Variants in BHMT2 observed in about 807,000 individuals in gnomAD.
BHMT2 encodes betaine--homocysteine S-methyltransferase 2.
Under a neutral mutation model 39.0 loss-of-function variants are expected in BHMT2, and 28 were observed. That is an observed-to-expected ratio of 0.72 (90% CI 0.53 to 0.98). The LOEUF (loss-of-function observed/expected upper bound fraction) is 0.98. Ranked by LOEUF, BHMT2 falls within the 50% of genes least tolerant of loss-of-function variation. The probability of loss-of-function intolerance (pLI) is 0.00; values close to 1 mark genes in which losing one functional copy is unlikely to be tolerated. For synonymous variants in BHMT2, 145 were observed against 160.6 expected (o/e 0.90, Z 0.74); for missense variants, 410 against 455.6 (o/e 0.90, Z 0.91).
intron 2 of BHMT2, 192 bp downstream of exon 2, chr5:79,077,804 A>G: frequency 3.6e-6 from 2 of 548,456 alleles, no homozygotes; most frequent in Non-Finnish European, 3.1e-6. Context: ...TCTCTCATAC[A>G]CACACCTACC....
Position 79,084,152 on chromosome 5 carries a change from A to G in BHMT2, c.1010+296A>G, listed in dbSNP as rs145299365. Among the ~76,000 whole-genome samples the G allele has an allele frequency of 2.0e-3, 307 of 152,292 alleles. 1 individual carries two copies. Among genetic ancestry groups the G allele is most frequent in the Admixed American group, 3.5e-3 (53 of 15,310 alleles). On this transcript the variant is annotated intron_variant, in intron 7 of 7. Transcript: ENST00000255192. ...AGATTCAATTTCTGGTGAAGGCCTT[A>G]GAGATGATAAAGGCCATCTATAAGG...
At chr5:79,070,818 A>G (rs1445281230) in intron 1 of BHMT2, among the ~76,000 whole-genome samples, 1 of 152,252 alleles carries the variant, frequency 6.6e-6, no homozygotes, top group Non-Finnish European at 1.5e-5. Flanking sequence ...AATATATCAC[A>G]AACTGATCCC....
intron 1 of BHMT2, among the ~76,000 whole-genome samples, chr5:79,075,861 G>T (rs1047783288): frequency 6.6e-6 from 1 of 152,198 alleles, no homozygotes; most frequent in Non-Finnish European, 1.5e-5. Context: ...AAACCCCTAG[G>T]GGGAGCATGC....
rs369119738 is a variant in BHMT2, at chr5:79,087,014, G to GTATATATATATATATA, written c.1011-1466_1011-1451dup. ...TGTGTATGTATGTGTGTGTGTGTGT[G>GTATATATATATATATA]TATATATATATATATATATATATAT... On this transcript the variant is annotated intron_variant, in intron 7 of 7. Transcript: ENST00000255192. Among the ~76,000 whole-genome samples, 501 of 118,188 alleles carry GTATATATATATATATA rather than the reference G, an allele frequency of 4.2e-3. 5 individuals carry two copies. The highest frequency in any genetic ancestry group is 0.011 in the African/African-American group (341 of 31,388). 77.5% of individuals were successfully genotyped at this position (118,188 alleles called of 152,430 possible).
At chr5:79,083,932 G>A (rs1755843961) in intron 7 of BHMT2, 76 bp downstream of exon 7, 2 of 1,491,940 alleles carry the variant, frequency 1.3e-6, no homozygotes, top group East Asian at 2.5e-5. Context: ...TGTCATGCAT[G>A]CACATGACAA....
chr5:79,077,547 A>G lies in BHMT2; in HGVS notation c.101A>G (p.Glu34Gly). Reference protein sequence around the residue: ...IGDGSFLITLEKRGYVKAGLW... With the variant: ...IGDGSFLITLGKRGYVKAGLW... The stretch of plus-strand genomic sequence containing the variant: ...GATGGCAGCTTTCTCATTACTCTGG[A>G]GAAGAGAGGCTATGTGAAGGCTGGG... Residue 34 changes from glutamate to glycine, a missense_variant, in exon 2 of 8, where the codon GAG becomes GGG. Coordinates refer to ENST00000255192, the MANE Select transcript of BHMT2 (RefSeq NM_017614.5). 6.2e-7 allele frequency: 1 copy of G among 1,613,692 alleles called. No individual in the cohort carries two copies. The highest frequency in any genetic ancestry group is 8.5e-7 in the Non-Finnish European group (1 of 1,179,944).
At position 79,083,496 on chromosome 5, in the gene BHMT2, CA is replaced by C. The variant is rs1755831780; in HGVS notation, c.781+127del. The C allele has an allele frequency of 8.9e-6, 13 of 1,464,020 alleles. No homozygotes were observed. In the South Asian group the frequency reaches 1.8e-4, roughly 21 times the overall value. 90.7% of individuals were successfully genotyped at this position (1,464,020 alleles called of 1,614,324 possible). On this transcript the variant is annotated intron_variant, in intron 6 of 7. Coordinates refer to ENST00000255192, the MANE Select transcript of BHMT2 (RefSeq NM_017614.5). ...ATATGACAAAACATTCAGAGTTAAC[CA>C]AAAATGAGCTATCAGAAGAATGCAT... is the stretch of plus-strand genomic sequence containing the variant.
intron 1 of BHMT2, among the ~76,000 whole-genome samples, chr5:79,073,882 C>A (rs1755625303): frequency 6.6e-6 from 1 of 152,178 alleles, no homozygotes; most frequent in Non-Finnish European, 1.5e-5. Context: ...AGAAAACTAA[C>A]CACTTTGCCA....
intron 1 of BHMT2, among the ~76,000 whole-genome samples, chr5:79,074,505 C>T (rs1755636420): frequency 1.3e-5 from 2 of 152,184 alleles, no homozygotes; most frequent in Non-Finnish European, 2.9e-5. Context: ...CCCTCTTATT[C>T]TTTATTGCCT....
chr5:79,088,695 T>TG lies in BHMT2; in HGVS notation c.*122dup. 1.3e-5 allele frequency: 10 copies of TG among 744,558 alleles called. No homozygotes were observed. Among genetic ancestry groups the TG allele is most frequent in the Non-Finnish European group, 2.0e-5 (9 of 447,244 alleles). 46.1% of individuals were successfully genotyped at this position (744,558 alleles called of 1,614,324 possible). A position where few individuals can be genotyped will look rare whatever the true frequency, so the allele number is the denominator to read the frequency against. ...CTGCTATCTCCAGCTGCTGAGCAGC[T>TG]GAGGTGCTGCAGCCCCTTCCCTTCC... is the stretch of plus-strand genomic sequence containing the variant. On this transcript the variant is annotated 3_prime_UTR_variant, in exon 8 of 8. Transcript: ENST00000255192.
intron 1 of BHMT2, among the ~76,000 whole-genome samples, chr5:79,076,591 T>C (rs1477708471): frequency 2.0e-5 from 3 of 152,176 alleles, no homozygotes; most frequent in African/African-American, 4.8e-5. Context: ...AGTAGGAATT[T>C]AGAAGCTAGT....
At chr5:79,078,755 T>C (rs1054044370) in intron 2 of BHMT2, among the ~76,000 whole-genome samples, 1 of 152,252 alleles carries the variant, frequency 6.6e-6, no homozygotes. Context: ...GATGTTTTCA[T>C]CTGGCCCAAG....
At chr5:79,082,355 A>G in intron 4 of BHMT2, 1 of 156,016 alleles carries the variant, frequency 6.4e-6, no homozygotes, top group Non-Finnish European at 1.4e-5. Flanking sequence ...AGCACTTATG[A>G]ATATCTAACT....
chr5:79,082,821 G>T lies in BHMT2; in HGVS notation c.463G>T (p.Val155Phe), dbSNP rs58580238. 2.2e-4 allele frequency: 351 copies of T among 1,613,734 alleles called. 2 individuals carry two copies. Among genetic ancestry groups the T allele is most frequent in the Non-Finnish European group, 6.3e-5 (74 of 1,179,938 alleles). The change falls in exon 5 of 8, where the codon GTT (valine) becomes TTT (phenylalanine). Residue 155 changes from valine to phenylalanine, a missense_variant. Transcript: ENST00000255192. ...ACATTTCTCTTAGTATTTTGAGCACGTTGAAGAAGCTGTGTGGGCTGTGGA... is the reference window on the plus strand; with the variant it reads ...ACATTTCTCTTAGTATTTTGAGCACTTTGAAGAAGCTGTGTGGGCTGTGGA... The part of the protein sequence containing the change: ...DFLIAEYFEH[V>F]EEAVWAVEVL...
At chr5:79,087,041 T>TATATATAC (rs1491463046) in intron 7 of BHMT2, among the ~76,000 whole-genome samples, 54 of 138,386 alleles carry the variant, frequency 3.9e-4, no homozygotes, top group African/African-American at 1.3e-3. Context: ...TATATATATA[T>TATATATAC]ACATATGTAT....
At chr5:79,070,552 A>G (rs1755544958) in intron 1 of BHMT2, among the ~76,000 whole-genome samples, 1 of 152,124 alleles carries the variant, frequency 6.6e-6, no homozygotes, top group Non-Finnish European at 1.5e-5. Context: ...TGGACGAAAG[A>G]CATCCCCAGG....
intron 1 of BHMT2, among the ~76,000 whole-genome samples, chr5:79,075,751 G>A (rs1308399740): frequency 6.6e-6 from 1 of 152,206 alleles, no homozygotes; most frequent in Admixed American, 6.5e-5. Flanking sequence ...GGCACCTGGG[G>A]AGATGTGCTT....
chr5:79,088,810 C>T lies in BHMT2; in HGVS notation c.*236C>T. On this transcript the variant is annotated 3_prime_UTR_variant, in exon 8 of 8. Coordinates refer to ENST00000255192, the MANE Select transcript of BHMT2 (RefSeq NM_017614.5). The stretch of plus-strand genomic sequence containing the variant: ...GATGCAAAGAGAAGCGAGAGAGGCA[C>T]CTTGTTCTCCAAGAACTTACTGTCC... 3 of 378,262 alleles carry T rather than the reference C, an allele frequency of 7.9e-6. No individual in the cohort carries two copies. The highest frequency in any genetic ancestry group is 5.1e-5 in the South Asian group (1 of 19,570). 23.4% of individuals were successfully genotyped at this position (378,262 alleles called of 1,614,324 possible).
In BHMT2 at chr5:79,072,435, C is replaced by T. The variant is rs1365925675; in HGVS notation, c.33+2620C>T. Among the ~76,000 whole-genome samples the T allele has an allele frequency of 2.0e-5, 3 of 152,148 alleles. No homozygotes were observed. The East Asian group carries it at 5.8e-4, about 29-fold the overall frequency. On this transcript the variant is annotated intron_variant, in intron 1 of 7. Coordinates refer to ENST00000255192, the MANE Select transcript of BHMT2 (RefSeq NM_017614.5). ...TACCTAATTGTCTGCTAAAGAGTAACATTTTTTCTTCTTCAGGACAAAAAT... is the reference window on the plus strand; with the variant it reads ...TACCTAATTGTCTGCTAAAGAGTAATATTTTTTCTTCTTCAGGACAAAAAT...
Sources: gnomAD v4.1 joint callset for allele counts (sites outside exome capture counted in the v4.1 genomes callset) on GRCh38, gnomAD v4.1.1 for gene constraint, MANE v1.5 for transcripts, NCBI Gene and HGNC (gene_info 2026-07-23, HGNC 2026-07-21) for gene names.